IL20RA: variants seen among roughly 807,000 people sequenced by gnomAD.
IL20RA encodes the protein interleukin-20 receptor subunit alpha.
A neutral mutation model predicts 36.5 loss-of-function variants in IL20RA; 29 were observed. The ratio of observed to expected loss-of-function variants is 0.79; its 90% CI spans 0.59 to 1.08. IL20RA has a LOEUF of 1.08. Ranked by LOEUF, IL20RA falls within the 50% of genes least tolerant of loss-of-function variation. The probability of loss-of-function intolerance (pLI) is 0.00; values close to 1 mark genes in which losing one functional copy is unlikely to be tolerated. For missense variants in IL20RA, 652 were observed against 668.4 expected (o/e 0.98, Z 0.27); for synonymous variants, 279 against 267.1 (o/e 1.04, Z -0.43).
rs531501235 is a variant in IL20RA at position 137,004,159 on chromosome 6, C to CGTTTTT, written c.864+461_864+462insAAAAAC. Among the ~76,000 whole-genome samples, 30 of 88,016 alleles carry CGTTTTT rather than the reference C, an allele frequency of 3.4e-4. 13 individuals are homozygous for CGTTTTT. Among genetic ancestry groups the CGTTTTT allele is most frequent in the Non-Finnish European group, 2.2e-4 (11 of 49,124 alleles). The allele number at this position is 88,016 out of a possible 152,430, so 57.7% of individuals were successfully genotyped here. On this transcript the variant is annotated intron_variant, in intron 6 of 6. Coordinates refer to ENST00000316649, the MANE Select transcript of IL20RA (RefSeq NM_014432.4). Reference sequence around the variant, plus strand: ...TCTGTTAGTCAGCTAATCCAGAAAGCTTTTTTTTTTTTTTTTTTTTTTTTT... The same window carrying CGTTTTT: ...TCTGTTAGTCAGCTAATCCAGAAAGCGTTTTTTTTTTTTTTTTTTTTTTTTTTTTTT...
intron 1 of IL20RA, among the ~76,000 whole-genome samples, chr6:137,025,608 A>AT (rs1776059217): frequency 6.6e-6 from 1 of 152,242 alleles, no homozygotes; most frequent in African/African-American, 2.4e-5. Context: ...CAGTAGGAAG[A>AT]TAATGGATTA....
Position 137,016,972 on chromosome 6 carries a change from A to C in IL20RA, c.220T>G (p.Phe74Val). 3 of 1,612,714 alleles carry C rather than the reference A, an allele frequency of 1.9e-6. No individual in the cohort carries two copies. The highest frequency in any genetic ancestry group is 2.5e-6 in the Non-Finnish European group (3 of 1,179,402). The change falls in exon 2 of 7, where the codon TTC (phenylalanine) becomes GTC (valine). Residue 74 changes from phenylalanine to valine, a missense_variant. Coordinates refer to ENST00000316649, the MANE Select transcript of IL20RA (RefSeq NM_014432.4). ...AAAGGAAAAGAAGAAACTTACATGA[A>C]ATACTGCACAGTGTAAGTAACTTTA... is the stretch of plus-strand genomic sequence containing the variant. ...GVKVTYTVQY[F>V]IYGQKKWLNK...
At chr6:137,037,292 T>A (rs1776522983) in intron 1 of IL20RA, among the ~76,000 whole-genome samples, 1 of 152,204 alleles carries the variant, frequency 6.6e-6, no homozygotes, top group Admixed American at 6.5e-5. Flanking sequence ...CAGCGATTGC[T>A]ACCCTCAAAA....
At chr6:137,017,692 T>C (rs1211417977) in intron 1 of IL20RA, among the ~76,000 whole-genome samples, 1 of 151,814 alleles carries the variant, frequency 6.6e-6, no homozygotes, top group African/African-American at 2.4e-5. Flanking sequence ...AAGGTTAGAA[T>C]TGGGACTGCC....
intron 1 of IL20RA, among the ~76,000 whole-genome samples, chr6:137,024,942 C>A (rs927202616): frequency 3.3e-5 from 5 of 152,106 alleles, no homozygotes; most frequent in African/African-American, 1.2e-4. Flanking sequence ...GAGCTTTGAA[C>A]GATGGAAGGA....
intron 2 of IL20RA, among the ~76,000 whole-genome samples, chr6:137,014,703 C>T (rs1224855577): frequency 6.6e-6 from 1 of 151,820 alleles, no homozygotes; most frequent in Non-Finnish European, 1.5e-5. Context: ...TTATAGTTCC[C>T]CCCCCCTTTT....
chr6:137,028,775 CATG>C (rs1364052331), intron 1 of IL20RA, among the ~76,000 whole-genome samples: 1 of 152,034 alleles, frequency 6.6e-6, no homozygotes, highest in East Asian at 1.9e-4. Context: ...TGATTATTCT[CATG>C]ATACTTCTTA....
chr6:137,004,055 A>G (rs1478413474), intron 6 of IL20RA, among the ~76,000 whole-genome samples: 3 of 151,424 alleles, frequency 2.0e-5, no homozygotes, highest in Non-Finnish European at 4.4e-5. Context: ...CAGGGCAGGG[A>G]TCATGATTGA....
chr6:137,028,916 T>G (rs1216234948), intron 1 of IL20RA, among the ~76,000 whole-genome samples: 1 of 152,212 alleles, frequency 6.6e-6, no homozygotes, highest in Non-Finnish European at 1.5e-5. Context: ...ATATAGCATT[T>G]CCCAGCCTGA....
In IL20RA at chr6:137,044,671, A is replaced by ACAGCAGCAGCGGCGG. The variant is rs1296828812; in HGVS notation, c.43_57dup (p.Pro15_Leu19dup). ...CGTCCCCAAGGCGCCGCCAGGAGCA[A>ACAGCAGCAGCGGCGG]CAGCAGCAGCGGCGGCAGCGGCAGC... On this transcript the variant is annotated inframe_insertion, in exon 1 of 7. Transcript: ENST00000316649. The ACAGCAGCAGCGGCGG allele has an allele frequency of 2.3e-5, 28 of 1,224,132 alleles. No homozygotes were observed. The highest frequency in any genetic ancestry group is 2.7e-5 in the Non-Finnish European group (27 of 983,032). 75.8% of individuals were successfully genotyped at this position (1,224,132 alleles called of 1,614,324 possible).
intron 1 of IL20RA, chr6:137,044,049 C>A (rs981609308): frequency 4.0e-5 from 38 of 949,488 alleles, no homozygotes; most frequent in Non-Finnish European, 4.8e-5. Context: ...ATGGTCATAA[C>A]TGCAAAGGAA....
Position 137,001,379 on chromosome 6 carries a change from A to T in IL20RA, c.*179T>A. The T allele has an allele frequency of 1.9e-6, 1 of 530,022 alleles. No individual in the cohort carries two copies. Among genetic ancestry groups the T allele is most frequent in the Non-Finnish European group, 3.2e-6 (1 of 309,488 alleles). The allele number at this position is 530,022 out of a possible 1,614,324, so 32.8% of individuals were successfully genotyped here. On this transcript the variant is annotated 3_prime_UTR_variant, in exon 7 of 7. Transcript: ENST00000316649. ...AGAGGCCCACCATCATTGTTAAGAG[A>T]CCTACATGCATGAACCAATCACACA...
At chr6:137,023,144 A>C (rs1775300) in intron 1 of IL20RA, among the ~76,000 whole-genome samples, 124,562 of 151,802 alleles carry the variant, frequency 0.82, 56,457 homozygotes, top group East Asian at 1. Flanking sequence ...AAAAAGTAAA[A>C]AACAAAAACA....
At position 137,000,431 on chromosome 6, in the gene IL20RA, C is replaced by T. The variant is rs145840527; in HGVS notation, c.*1127G>A. The T allele has an allele frequency of 3.9e-5, 6 of 152,232 alleles. No individual in the cohort carries two copies. The highest frequency in any genetic ancestry group is 3.3e-4 in the Admixed American group (5 of 15,292). The allele number at this position is 152,232 out of a possible 1,614,324, so 9.4% of individuals were successfully genotyped here. A position where few individuals can be genotyped will look rare whatever the true frequency, so the allele number is the denominator to read the frequency against. On this transcript the variant is annotated 3_prime_UTR_variant, in exon 7 of 7. Transcript: ENST00000316649. ...TAGATTTTGTCCCATTTTAAAGCAGCGTGACTGAAGAATTTAATTTTCTTA... is the reference window on the plus strand; with the variant it reads ...TAGATTTTGTCCCATTTTAAAGCAGTGTGACTGAAGAATTTAATTTTCTTA...
At chr6:137,024,285 A>G (rs1776011028) in intron 1 of IL20RA, among the ~76,000 whole-genome samples, 3 of 152,236 alleles carry the variant, frequency 2.0e-5, no homozygotes, top group Non-Finnish European at 2.9e-5. Flanking sequence ...TAAACATTTC[A>G]ATGGAGAGAA....
chr6:137,018,468 A>T (rs959223084), intron 1 of IL20RA, among the ~76,000 whole-genome samples: 9 of 151,830 alleles, frequency 5.9e-5, no homozygotes, highest in African/African-American at 1.9e-4. Context: ...TTATTTTTTT[A>T]AAAAATGTTA....
intron 2 of IL20RA, among the ~76,000 whole-genome samples, 178 bp from the exon 3 acceptor site, chr6:137,011,630 G>C: frequency 6.6e-6 from 1 of 152,150 alleles, no homozygotes; most frequent in East Asian, 1.9e-4. Context: ...TTCATCAGCT[G>C]TCAGGAACAT....
intron 2 of IL20RA, among the ~76,000 whole-genome samples, chr6:137,015,312 G>T (rs1194824267): frequency 2.0e-5 from 3 of 151,728 alleles, no homozygotes; most frequent in Non-Finnish European, 4.4e-5. Flanking sequence ...CCTAAGCTCT[G>T]CACACTTCCT....
rs531501235 is a variant in IL20RA, at chr6:137,004,159, C to CGTTTTTTTTTTTTTTG, written c.864+461_864+462insCAAAAAAAAAAAAAAC. ...TCTGTTAGTCAGCTAATCCAGAAAG[C>CGTTTTTTTTTTTTTTG]TTTTTTTTTTTTTTTTTTTTTTTTT... On this transcript the variant is annotated intron_variant, in intron 6 of 6. Transcript: ENST00000316649. Among the ~76,000 whole-genome samples, 32 of 87,994 alleles carry CGTTTTTTTTTTTTTTG rather than the reference C, an allele frequency of 3.6e-4. 2 individuals are homozygous for CGTTTTTTTTTTTTTTG. Among genetic ancestry groups the CGTTTTTTTTTTTTTTG allele is most frequent in the African/African-American group, 1.5e-3 (27 of 18,028 alleles). The allele number at this position is 87,994 out of a possible 152,430, so 57.7% of individuals were successfully genotyped here.
Sources: allele counts gnomAD v4.1 joint callset (sites outside exome capture counted in the v4.1 genomes callset), GRCh38; gene constraint gnomAD v4.1.1; transcripts MANE v1.5; gene names NCBI Gene and HGNC (gene_info 2026-07-23, HGNC 2026-07-21).